GEMIN5: variants seen among roughly 807,000 people sequenced by gnomAD.
GEMIN5 encodes the protein gem nuclear organelle associated protein 5, also known as gem-associated protein 5.
Under a neutral mutation model 176.9 loss-of-function variants are expected in GEMIN5, and 124 were observed. The observed-to-expected ratio is 0.70, with a 90% confidence interval of 0.61 to 0.81. GEMIN5 has a LOEUF of 0.81. GEMIN5 is among the 40% of genes least tolerant of loss of function. GEMIN5 has a pLI of 0.00. For synonymous variants in GEMIN5, 673 were observed against 665.2 expected (o/e 1.01, Z -0.18); for missense variants, 1,843 against 1,814.6 (o/e 1.02, Z -0.28).
intron 1 of GEMIN5, 30 bp downstream of exon 1, chr5:154,937,938 T>G: frequency 4.6e-6 from 7 of 1,534,724 alleles, no homozygotes; most frequent in Non-Finnish European, 6.1e-6. Context: ...CAAAGGGCAG[T>G]AAGTCTCGGG....
At chr5:154,901,533 T>TAA (rs1561713055) in intron 20 of GEMIN5, 47 bp from the exon 21 acceptor site, 1 of 1,581,224 alleles carries the variant, frequency 6.3e-7, no homozygotes, top group Admixed American at 1.7e-5. Flanking sequence ...GAAGAAAAAG[T>TAA]AAAAACAATA....
In GEMIN5 at chr5:154,920,023, G is replaced by C; in HGVS notation, c.1543C>G (p.Leu515Val). 1 of 1,613,338 alleles carries C rather than the reference G, an allele frequency of 6.2e-7. No individual in the cohort carries two copies. Residue 515 changes from leucine (L) to valine (V), a missense_variant, in exon 11 of 28, where the codon CTT becomes GTT. Transcript: ENST00000285873. ...TTGATGTCAAAGGCTTCTCCACTAA[G>C]CTTCCAGGGATTATGCTGTAAGACA... ...GIVLQHNPWK[L>V]SGEAFDINKL... is the part of the protein sequence containing the mutation.
At chr5:154,892,720 T>C (rs781334424) in intron 24 of GEMIN5, 171 bp from the exon 25 acceptor site, 2 of 607,360 alleles carry the variant, frequency 3.3e-6, no homozygotes, top group East Asian at 2.8e-5. Context: ...GAAACTCTCA[T>C]GTCTAGTTGC....
intron 7 of GEMIN5, among the ~76,000 whole-genome samples, chr5:154,926,701 G>C (rs1764044714): frequency 6.6e-6 from 1 of 152,154 alleles, no homozygotes; most frequent in Non-Finnish European, 1.5e-5. Context: ...CAATCTTTTG[G>C]CTTTCTGGGG....
At chr5:154,932,061 T>C (rs765242695) in intron 4 of GEMIN5, 38 bp downstream of exon 4, 50 of 1,464,246 alleles carry the variant, frequency 3.4e-5, no homozygotes, top group Non-Finnish European at 4.5e-5. Context: ...GTTCTTCAGG[T>C]CTCAAGTGGA....
chr5:154,904,233 C>G (rs2113471043), intron 18 of GEMIN5, among the ~76,000 whole-genome samples: 1 of 152,206 alleles, frequency 6.6e-6, no homozygotes, highest in East Asian at 1.9e-4. Context: ...CATACCAATT[C>G]TGGCACACAG....
chr5:154,898,205 G>C lies in GEMIN5; in HGVS notation c.3345+235C>G, dbSNP rs1021802441. On this transcript the variant is annotated intron_variant, in intron 23 of 27. Coordinates refer to ENST00000285873, the MANE Select transcript of GEMIN5 (RefSeq NM_015465.5). ...CATGAGCCACTGTGCCCGGCTCACA[G>C]GTGTTTTGTACAAACAGATAAGCAA... Among the ~76,000 whole-genome samples the C allele has an allele frequency of 2.6e-5, 4 of 152,156 alleles. 1 individual carries two copies. Among genetic ancestry groups the C allele is most frequent in the African/African-American group, 9.7e-5 (4 of 41,434 alleles).
Position 154,930,274 on chromosome 5 carries a change from G to A in GEMIN5, c.781+1184C>T, listed in dbSNP as rs552743687. Among the ~76,000 whole-genome samples, 6 of 152,366 alleles carry A rather than the reference G, an allele frequency of 3.9e-5. No individual in the cohort carries two copies. In the South Asian group the frequency reaches 8.3e-4, roughly 21 times the overall value. On this transcript the variant is annotated intron_variant, in intron 5 of 27. Coordinates refer to ENST00000285873, the MANE Select transcript of GEMIN5 (RefSeq NM_015465.5). ...ATAGGGGAACGACACAGCAGCAGGG[G>A]CCACATGCGTCAGGGATAAGAACCC...
chr5:154,929,117 G>A (rs866824450), intron 5 of GEMIN5, among the ~76,000 whole-genome samples: 14 of 152,094 alleles, frequency 9.2e-5, no homozygotes, highest in South Asian at 8.3e-4. Flanking sequence ...CCAGCTACTC[G>A]GGAGGCTGAG....
intron 23 of GEMIN5, among the ~76,000 whole-genome samples, chr5:154,898,066 A>C (rs755589855): frequency 6.6e-6 from 1 of 151,840 alleles, no homozygotes; most frequent in Non-Finnish European, 1.5e-5. Flanking sequence ...ACGCTCGGCT[A>C]ATTTTTGTAT....
chr5:154,911,007 TTATG>T (rs1366535985), intron 15 of GEMIN5, among the ~76,000 whole-genome samples: 1 of 152,168 alleles, frequency 6.6e-6, no homozygotes, highest in Non-Finnish European at 1.5e-5. Context: ...CTCCTCTTAC[TTATG>T]TTTAACAGTT....
intron 24 of GEMIN5, 67 bp from the exon 25 acceptor site, chr5:154,892,616 C>A: frequency 6.8e-7 from 1 of 1,480,960 alleles, no homozygotes; most frequent in Non-Finnish European, 9.2e-7. Context: ...TGCCACCAAA[C>A]TGTTCCTGTG....
rs1048084723 is a variant in GEMIN5 at position 154,901,226 on chromosome 5, G to T, written c.3014+113C>A. ...CTCCTGAGTAGTCCCAGTTACTCAGGGGGCTGAAGCAGGAGGACTGTTTCT... is the reference window on the plus strand; with the variant it reads ...CTCCTGAGTAGTCCCAGTTACTCAGTGGGCTGAAGCAGGAGGACTGTTTCT... On this transcript the variant is annotated intron_variant, in intron 21 of 27. Transcript: ENST00000285873. The T allele has an allele frequency of 6.9e-6, 7 of 1,011,504 alleles. No individual in the cohort carries two copies. The African/African-American group carries it at 1.1e-4, about 16-fold the overall frequency. The allele number at this position is 1,011,504 out of a possible 1,614,324, so 62.7% of individuals were successfully genotyped here.
At chr5:154,893,916 A>G (rs1456696706) in intron 24 of GEMIN5, among the ~76,000 whole-genome samples, 2 of 151,788 alleles carry the variant, frequency 1.3e-5, no homozygotes, top group Non-Finnish European at 2.9e-5. Context: ...GCTAACACCG[A>G]TATTATTTGT....
At chr5:154,900,371 G>T (rs1256133884) in intron 21 of GEMIN5, among the ~76,000 whole-genome samples, 1 of 152,112 alleles carries the variant, frequency 6.6e-6, no homozygotes, top group East Asian at 1.9e-4. Flanking sequence ...AGTATTTTGG[G>T]ACTTCTACTT....
At chr5:154,893,267 A>AAG (rs1308681901) in intron 24 of GEMIN5, among the ~76,000 whole-genome samples, 3 of 149,852 alleles carry the variant, frequency 2.0e-5, no homozygotes, top group African/African-American at 7.3e-5. Context: ...AAAAAAAAAA[A>AAG]AAAAAAAAAA....
intron 9 of GEMIN5, 31 bp from the exon 10 acceptor site, chr5:154,921,456 G>A: frequency 1.0e-6 from 1 of 1,000,134 alleles, no homozygotes; most frequent in African/African-American, 1.7e-5. Context: ...AGAACAAATG[G>A]AGATTTAAAC....
chr5:154,937,668 G>A (rs1582682072), intron 1 of GEMIN5, among the ~76,000 whole-genome samples: 1 of 152,212 alleles, frequency 6.6e-6, no homozygotes, highest in African/African-American at 2.4e-5. Context: ...CTCCCGGGGG[G>A]CTGGCGCGCA....
At chr5:154,904,119 T>A (rs1475977215) in intron 18 of GEMIN5, among the ~76,000 whole-genome samples, 2 of 152,150 alleles carry the variant, frequency 1.3e-5, no homozygotes, top group African/African-American at 4.8e-5. Context: ...TGCCATATTA[T>A]GAGCATATTT....
Sources: allele counts gnomAD v4.1 joint callset (sites outside exome capture counted in the v4.1 genomes callset), GRCh38; gene constraint gnomAD v4.1.1; transcripts MANE v1.5; gene names NCBI Gene and HGNC (gene_info 2026-07-23, HGNC 2026-07-21).